Variants in TRPM3 observed in about 807,000 individuals in gnomAD.
The protein encoded by TRPM3 is long transient receptor potential channel 3.
TRPM3 carries 77 observed loss-of-function variants against 181.2 expected under a neutral mutation model. The ratio of observed to expected loss-of-function variants is 0.42; its 90% CI spans 0.35 to 0.51. The LOEUF (loss-of-function observed/expected upper bound fraction) is 0.51. Among genes scored for constraint, TRPM3 ranks in the 20% least tolerant of loss-of-function variants. The pLI, the probability that TRPM3 is intolerant of heterozygous loss-of-function variation, is 0.01. For synonymous variants in TRPM3, 745 were observed against 796.4 expected (o/e 0.94, Z 1.09); for missense variants, 1,759 against 2,196.7 (o/e 0.80, Z 3.98).
chr9:71,159,469 C>A (rs1181339191), intron 1 of TRPM3, among the ~76,000 whole-genome samples: 1 of 151,970 alleles, frequency 6.6e-6, no homozygotes, highest in Non-Finnish European at 1.5e-5. Flanking sequence ...TCAAATATAT[C>A]AAGAATACAT....
At chr9:70,611,365 TG>T (rs1206137880) in intron 18 of TRPM3, among the ~76,000 whole-genome samples, 1 of 152,114 alleles carries the variant, frequency 6.6e-6, no homozygotes, top group Non-Finnish European at 1.5e-5. Context: ...GATTGGATCA[TG>T]GGGGCAGTTT....
At chr9:71,422,996 T>A (rs1282932913) in intron 1 of TRPM3, among the ~76,000 whole-genome samples, 1 of 152,030 alleles carries the variant, frequency 6.6e-6, no homozygotes, top group East Asian at 1.9e-4. Flanking sequence ...CTTCTCTAGG[T>A]CTCAGCCCAG....
At chr9:70,551,809 AG>A in intron 24 of TRPM3, among the ~76,000 whole-genome samples, 1 of 152,156 alleles carries the variant, frequency 6.6e-6, no homozygotes, top group East Asian at 1.9e-4. Context: ...TTTATTTCAT[AG>A]GTCATCCACC....
chr9:70,822,321 A>G (rs1169136267), intron 6 of TRPM3, among the ~76,000 whole-genome samples: 2 of 152,112 alleles, frequency 1.3e-5, no homozygotes, highest in Admixed American at 6.5e-5. Context: ...ATGTTGTCCC[A>G]TTGTTTTAAG....
chr9:70,543,494 G>T (rs777703703), intron 25 of TRPM3, among the ~76,000 whole-genome samples: 1 of 151,236 alleles, frequency 6.6e-6, no homozygotes, highest in Admixed American at 6.6e-5. Flanking sequence ...TCCAATCCCC[G>T]ACTACCCTTC....
intron 15 of TRPM3, among the ~76,000 whole-genome samples, chr9:70,621,024 T>TTA (rs1252854258): frequency 4.8e-5 from 7 of 145,608 alleles, no homozygotes; most frequent in Admixed American, 2.8e-4. Context: ...ATATATATTA[T>TTA]TATATATATA....
intron 1 of TRPM3, among the ~76,000 whole-genome samples, chr9:70,962,233 T>A (rs752962186): frequency 6.6e-6 from 1 of 152,134 alleles, no homozygotes. Context: ...AGTAAGGTTA[T>A]AGGGGAGAGT....
chr9:71,400,256 T>C (rs1016756797), intron 1 of TRPM3, among the ~76,000 whole-genome samples: 9 of 152,192 alleles, frequency 5.9e-5, no homozygotes, highest in Non-Finnish European at 1.3e-4. Flanking sequence ...CCACCATGCC[T>C]GGCAGGTTGG....
At chr9:71,373,210 G>C (rs951534551) in intron 1 of TRPM3, among the ~76,000 whole-genome samples, 1 of 150,908 alleles carries the variant, frequency 6.6e-6, no homozygotes, top group Non-Finnish European at 1.5e-5. Flanking sequence ...TCAACTAAAA[G>C]AAACATAGAA....
intron 1 of TRPM3, among the ~76,000 whole-genome samples, chr9:71,225,722 A>T (rs1448069743): frequency 6.6e-6 from 1 of 152,058 alleles, no homozygotes; most frequent in Admixed American, 6.5e-5. Flanking sequence ...CAGTGGCACC[A>T]TCTCAGCTCA....
At chr9:71,326,549 T>C (rs1273030600) in intron 1 of TRPM3, among the ~76,000 whole-genome samples, 1 of 152,194 alleles carries the variant, frequency 6.6e-6, no homozygotes, top group Non-Finnish European at 1.5e-5. Flanking sequence ...GAATGAGTCA[T>C]GAACTCATAA....
At chr9:71,216,625 G>A (rs1174706798) in intron 1 of TRPM3, among the ~76,000 whole-genome samples, 2 of 152,146 alleles carry the variant, frequency 1.3e-5, no homozygotes, top group African/African-American at 4.8e-5. Context: ...CATGCAAAGA[G>A]CACATTTGCA....
At chr9:71,274,475 C>T (rs1440516460) in intron 1 of TRPM3, among the ~76,000 whole-genome samples, 1 of 152,146 alleles carries the variant, frequency 6.6e-6, no homozygotes, top group Non-Finnish European at 1.5e-5. Flanking sequence ...TACATTTATA[C>T]AGACAGTTAA....
chr9:70,993,354 A>G lies in TRPM3; in HGVS notation c.177+127824T>C, dbSNP rs145797684. Reference sequence around the variant, plus strand: ...GGGTCATGGTAGTAGCCGTGTATAGAATCGATATGTATTCTAGAAGTAGAG... The same window carrying G: ...GGGTCATGGTAGTAGCCGTGTATAGGATCGATATGTATTCTAGAAGTAGAG... On this transcript the variant is annotated intron_variant, in intron 1 of 25. Transcript: ENST00000677713. Among the ~76,000 whole-genome samples, 128 of 152,204 alleles carry G rather than the reference A, an allele frequency of 8.4e-4. 1 individual carries two copies. Among genetic ancestry groups the G allele is most frequent in the Non-Finnish European group, 1.6e-3 (111 of 68,020 alleles).
chr9:70,867,668 T>C (rs1185707023), intron 1 of TRPM3, among the ~76,000 whole-genome samples: 3 of 152,052 alleles, frequency 2.0e-5, no homozygotes, highest in Admixed American at 2.0e-4. Context: ...TTTCATTGAG[T>C]AGAAAAGTAT....
At chr9:71,425,780 G>A (rs1174644471) in intron 1 of TRPM3, among the ~76,000 whole-genome samples, 1 of 152,068 alleles carries the variant, frequency 6.6e-6, no homozygotes, top group Admixed American at 6.6e-5. Context: ...CCATAAGGGG[G>A]TACTATACAA....
chr9:70,661,794 A>C (rs2061171914), intron 9 of TRPM3, among the ~76,000 whole-genome samples: 1 of 152,178 alleles, frequency 6.6e-6, no homozygotes, highest in Admixed American at 6.5e-5. Flanking sequence ...ACAAATGGAA[A>C]TAAGTTCCAT....
At chr9:71,189,119 A>G (rs879669224) in intron 1 of TRPM3, among the ~76,000 whole-genome samples, 13 of 151,838 alleles carry the variant, frequency 8.6e-5, no homozygotes, top group Admixed American at 2.0e-4. Context: ...TTGCCTCTCT[A>G]TGATGTTTAG....
At chr9:71,006,387 A>G (rs1002556275) in intron 1 of TRPM3, among the ~76,000 whole-genome samples, 10 of 152,258 alleles carry the variant, frequency 6.6e-5, no homozygotes, top group Admixed American at 3.9e-4. Context: ...TAATTAAAAG[A>G]CATAGTGTGG....
Sources: gnomAD v4.1 joint callset for allele counts (sites outside exome capture counted in the v4.1 genomes callset) on GRCh38, gnomAD v4.1.1 for gene constraint, MANE v1.5 for transcripts, NCBI Gene and HGNC (gene_info 2026-07-23, HGNC 2026-07-21) for gene names.